The following RPRD1A variants were observed in gnomAD, a reference collection of about 807,000 sequenced individuals.
RPRD1A encodes regulation of nuclear pre-mRNA domain-containing protein 1A.
Under a neutral mutation model 37.8 loss-of-function variants are expected in RPRD1A, and 9 were observed. That is an observed-to-expected ratio of 0.24 (90% CI 0.14 to 0.42). The LOEUF is 0.42. RPRD1A is among the 10% of genes least tolerant of loss of function. The pLI, the probability that RPRD1A is intolerant of heterozygous loss-of-function variation, is 1.00. For missense variants in RPRD1A, 255 were observed against 371.0 expected, an observed-to-expected ratio of 0.69 and a Z score of 2.57; for synonymous variants, 138 against 139.7, an observed-to-expected ratio of 0.99 and a Z score of 0.08.
intron 1 of RPRD1A, among the ~76,000 whole-genome samples, chr18:36,065,612 G>A (rs2089014421): frequency 6.6e-6 from 1 of 152,088 alleles, no homozygotes; most frequent in Non-Finnish European, 1.5e-5. Flanking sequence ...AAACTGCTAG[G>A]TCAAAGGATA....
At chr18:36,064,895 G>C (rs572308247) in intron 1 of RPRD1A, among the ~76,000 whole-genome samples, 1 of 151,542 alleles carries the variant, frequency 6.6e-6, no homozygotes, top group African/African-American at 2.4e-5. Context: ...TGAAGCCAGC[G>C]AGACCACGAA....
chr18:36,037,404 A>T (rs1399125197), intron 1 of RPRD1A, among the ~76,000 whole-genome samples: 1 of 152,180 alleles, frequency 6.6e-6, no homozygotes, highest in Non-Finnish European at 1.5e-5. Context: ...CCATGTGAAT[A>T]AGGACGTGTT....
chr18:36,051,134 C>A (rs1913359909), intron 1 of RPRD1A, among the ~76,000 whole-genome samples: 1 of 152,216 alleles, frequency 6.6e-6, no homozygotes, highest in Admixed American at 6.5e-5. Flanking sequence ...GAAAACTGTA[C>A]AATGATTACT....
intron 1 of RPRD1A, among the ~76,000 whole-genome samples, chr18:36,045,842 C>T (rs547771244): frequency 4.6e-4 from 70 of 152,278 alleles, no homozygotes; most frequent in Admixed American, 1.4e-3. Flanking sequence ...ATTCTAAAAT[C>T]CATGTGACAC....
At chr18:36,030,945 A>G in intron 3 of RPRD1A, 40 bp from the exon 4 acceptor site, 1 of 1,599,914 alleles carries the variant, frequency 6.3e-7, no homozygotes, top group Non-Finnish European at 8.5e-7. Flanking sequence ...GAAAGAATAC[A>G]TTTTAATGAA....
intron 6 of RPRD1A, among the ~76,000 whole-genome samples, chr18:35,994,885 A>G (rs1273184477): frequency 6.6e-6 from 1 of 152,198 alleles, no homozygotes; most frequent in Non-Finnish European, 1.5e-5. Flanking sequence ...GTAAAAATAT[A>G]CATATAATGA....
At chr18:36,031,340 G>C (rs1048238343) in intron 2 of RPRD1A, among the ~76,000 whole-genome samples, 3 of 151,062 alleles carry the variant, frequency 2.0e-5, no homozygotes, top group Non-Finnish European at 4.4e-5. Flanking sequence ...AGTTTAAACT[G>C]TAAAAGTTTT....
chr18:36,017,251 T>C (rs1455747225), intron 6 of RPRD1A, among the ~76,000 whole-genome samples: 1 of 152,156 alleles, frequency 6.6e-6, no homozygotes, highest in East Asian at 1.9e-4. Flanking sequence ...CAGTCAGTCA[T>C]GATTGTGCCA....
At chr18:36,008,786 TCA>T (rs1390408582) in intron 6 of RPRD1A, among the ~76,000 whole-genome samples, 1 of 151,744 alleles carries the variant, frequency 6.6e-6, no homozygotes, top group East Asian at 1.9e-4. Flanking sequence ...CAGCACAATT[TCA>T]GTTTTCCAAA....
intron 6 of RPRD1A, chr18:36,025,388 C>G (rs146559625): frequency 1.6e-4 from 51 of 325,022 alleles, no homozygotes; most frequent in Non-Finnish European, 2.6e-4. Flanking sequence ...TAATCTATGA[C>G]TGTCAACTAT....
intron 1 of RPRD1A, among the ~76,000 whole-genome samples, chr18:36,041,627 T>A (rs1912587290): frequency 6.6e-6 from 1 of 152,132 alleles, no homozygotes; most frequent in Non-Finnish European, 1.5e-5. Flanking sequence ...ATCCTGAGAG[T>A]GTTTTTCTGA....
chr18:35,995,863 A>G (rs1301502815), intron 6 of RPRD1A, among the ~76,000 whole-genome samples: 2 of 152,214 alleles, frequency 1.3e-5, no homozygotes, highest in African/African-American at 4.8e-5. Flanking sequence ...TTCTCCCTCT[A>G]TGGTCTTCCT....
intron 6 of RPRD1A, among the ~76,000 whole-genome samples, chr18:35,998,883 A>T (rs1203532531): frequency 1.3e-5 from 2 of 152,150 alleles, no homozygotes; most frequent in Non-Finnish European, 2.9e-5. Context: ...GTGAACTAGG[A>T]GGTGTGACTT....
intron 1 of RPRD1A, among the ~76,000 whole-genome samples, chr18:36,059,202 A>C (rs1394307726): frequency 6.6e-6 from 1 of 152,092 alleles, no homozygotes; most frequent in African/African-American, 2.4e-5. Context: ...GCTTGGAGTA[A>C]TCTCAGCTCA....
intron 1 of RPRD1A, among the ~76,000 whole-genome samples, chr18:36,048,485 C>T (rs185779472): frequency 6.6e-6 from 1 of 151,988 alleles, no homozygotes; most frequent in African/African-American, 2.4e-5. Context: ...AAGATTAGAA[C>T]CTCAATGTGA....
chr18:36,061,816 T>C (rs1478949528), intron 1 of RPRD1A, among the ~76,000 whole-genome samples: 4 of 152,134 alleles, frequency 2.6e-5, no homozygotes, highest in Admixed American at 1.3e-4. Flanking sequence ...AATTTTAAAA[T>C]AGGCAGAATA....
At chr18:36,048,230 C>T (rs939273014) in intron 1 of RPRD1A, among the ~76,000 whole-genome samples, 2 of 152,086 alleles carry the variant, frequency 1.3e-5, no homozygotes, top group African/African-American at 4.8e-5. Context: ...CCACACCTGG[C>T]TAATTTTGTA....
chr18:36,023,747 C>A (rs1472079128), intron 6 of RPRD1A, among the ~76,000 whole-genome samples: 2 of 152,078 alleles, frequency 1.3e-5, no homozygotes, highest in Non-Finnish European at 2.9e-5. Flanking sequence ...AATATCAAGG[C>A]AAGACCCTCC....
intron 6 of RPRD1A, among the ~76,000 whole-genome samples, chr18:35,996,603 TATTC>T (rs1909076971): frequency 6.6e-6 from 1 of 152,190 alleles, no homozygotes; most frequent in Non-Finnish European, 1.5e-5. Flanking sequence ...CGACATTTGC[TATTC>T]AAAAAGATAC....
Sources: allele counts gnomAD v4.1 joint callset (sites outside exome capture counted in the v4.1 genomes callset), GRCh38; gene constraint gnomAD v4.1.1; transcripts MANE v1.5; gene names NCBI Gene and HGNC (gene_info 2026-07-23, HGNC 2026-07-21).